FOXP2: variants seen among roughly 807,000 people sequenced by gnomAD.
FOXP2 encodes forkhead box protein P2.
A neutral mutation model predicts 115.8 loss-of-function variants in FOXP2; 12 were observed. The observed-to-expected ratio is 0.10, with a 90% CI of 0.07 to 0.17. The LOEUF (loss-of-function observed/expected upper bound fraction) is 0.17, where lower values mean the gene tolerates loss of function less well. Ranked by LOEUF, FOXP2 falls within the 10% of genes least tolerant of loss-of-function variation. FOXP2 has a pLI of 1.00. For missense variants in FOXP2, 629 were observed against 843.5 expected, an observed-to-expected ratio of 0.75 and a Z score of 3.15; for synonymous variants, 328 against 297.7, an observed-to-expected ratio of 1.10 and a Z score of -1.05.
chr7:114,256,261 C>T (rs1795610194), intron 1 of FOXP2, among the ~76,000 whole-genome samples: 1 of 152,044 alleles, frequency 6.6e-6, no homozygotes, highest in African/African-American at 2.4e-5. Context: ...TGCCACCATG[C>T]CTGGCTAATT....
chr7:114,480,675 ACATATATACATATGTGTGTG>A (rs1230855049), intron 2 of FOXP2, among the ~76,000 whole-genome samples: 6 of 150,680 alleles, frequency 4.0e-5, no homozygotes, highest in Non-Finnish European at 7.4e-5. Context: ...ACATGTGTGT[ACATATATACATATGTGTGTG>A]CATATATACA....
intron 1 of FOXP2, among the ~76,000 whole-genome samples, chr7:114,420,166 A>G (rs1205075392): frequency 6.6e-5 from 10 of 151,898 alleles, no homozygotes; most frequent in Admixed American, 6.6e-4. Flanking sequence ...GTGGCAGGAA[A>G]GGTGAAAATG....
chr7:114,629,860 TGCAGCAGCAGCAGCAACA>T lies in FOXP2; in HGVS notation c.465_482del (p.Gln186_Gln191del), dbSNP rs1563045480. The T allele has an allele frequency of 1.9e-6, 3 of 1,602,362 alleles. No homozygotes were observed. The highest frequency in any genetic ancestry group is 2.3e-5 in the East Asian group (1 of 44,342). On this transcript the variant is annotated inframe_deletion, in exon 5 of 17. Transcript: ENST00000350908. ...CAAGAGCAGTTACATCTTCAGCTTT[TGCAGCAGCAGCAGCAACA>T]GCAGCAGCAGCAACAACAGCAGCAA...
At chr7:114,288,491 G>C (rs1311090274) in intron 2 of FOXP2, among the ~76,000 whole-genome samples, 1 of 151,710 alleles carries the variant, frequency 6.6e-6, no homozygotes, top group Non-Finnish European at 1.5e-5. Context: ...TTTTTTAAAA[G>C]TTCATTTGGT....
intron 1 of FOXP2, among the ~76,000 whole-genome samples, chr7:114,132,513 T>C (rs1003691111): frequency 7.4e-5 from 11 of 149,240 alleles, no homozygotes; most frequent in Non-Finnish European, 1.3e-4. Flanking sequence ...GTAAGTACTA[T>C]AGAGAAAAAT....
At chr7:114,196,083 G>A (rs1281402148) in intron 1 of FOXP2, among the ~76,000 whole-genome samples, 1 of 152,074 alleles carries the variant, frequency 6.6e-6, no homozygotes, top group African/African-American at 2.4e-5. Context: ...CGTGATCTCG[G>A]CTCACTGTAC....
intron 2 of FOXP2, among the ~76,000 whole-genome samples, chr7:114,312,776 G>C (rs1797177448): frequency 6.6e-6 from 1 of 152,162 alleles, no homozygotes; most frequent in Non-Finnish European, 1.5e-5. Flanking sequence ...GTGAGTCTGG[G>C]AAATCCACCA....
At chr7:114,185,809 C>A (rs1048766779) in intron 1 of FOXP2, among the ~76,000 whole-genome samples, 2 of 152,004 alleles carry the variant, frequency 1.3e-5, no homozygotes, top group African/African-American at 2.4e-5. Flanking sequence ...TTACTTTATG[C>A]GTTTAAAAAT....
chr7:114,587,239 C>A (rs1046875972), intron 3 of FOXP2, among the ~76,000 whole-genome samples: 1 of 151,954 alleles, frequency 6.6e-6, no homozygotes, highest in Non-Finnish European at 1.5e-5. Context: ...CTCCCCACCC[C>A]CTAACAGGCC....
At chr7:114,227,707 G>T (rs1465847407) in intron 1 of FOXP2, among the ~76,000 whole-genome samples, 1 of 151,886 alleles carries the variant, frequency 6.6e-6, no homozygotes, top group African/African-American at 2.4e-5. Flanking sequence ...ATTTGAGGTA[G>T]TATACACCTT....
chr7:114,387,853 G>T (rs958200476), intron 2 of FOXP2, among the ~76,000 whole-genome samples: 21 of 152,110 alleles, frequency 1.4e-4, no homozygotes, highest in African/African-American at 4.8e-4. Flanking sequence ...ATAGTAGAAA[G>T]GGAGGGGTTA....
chr7:114,287,032 T>C (rs893376293), intron 1 of FOXP2, among the ~76,000 whole-genome samples: 1 of 152,190 alleles, frequency 6.6e-6, no homozygotes, highest in African/African-American at 2.4e-5. Flanking sequence ...ACATTGCTAA[T>C]TGAACACAGA....
intron 1 of FOXP2, among the ~76,000 whole-genome samples, chr7:114,095,834 A>G (rs1323271256): frequency 6.6e-6 from 1 of 152,184 alleles, no homozygotes; most frequent in Non-Finnish European, 1.5e-5. Flanking sequence ...ACAGACATAC[A>G]TTATCCAGTC....
chr7:114,530,475 G>A (rs1799089762), intron 2 of FOXP2, among the ~76,000 whole-genome samples: 1 of 151,626 alleles, frequency 6.6e-6, no homozygotes, highest in Admixed American at 6.6e-5. Flanking sequence ...TATTTTTATG[G>A]GGAGATATAT....
chr7:114,260,587 T>A (rs1168164652), intron 1 of FOXP2, among the ~76,000 whole-genome samples: 1 of 152,160 alleles, frequency 6.6e-6, no homozygotes, highest in East Asian at 1.9e-4. Context: ...TAGCCTACTA[T>A]TTTGTTAGGT....
At chr7:114,431,028 C>A (rs1412611428) in intron 2 of FOXP2, among the ~76,000 whole-genome samples, 2 of 151,728 alleles carry the variant, frequency 1.3e-5, no homozygotes, top group African/African-American at 4.8e-5. Context: ...GGATTTAAAT[C>A]TATTTACTAT....
intron 1 of FOXP2, among the ~76,000 whole-genome samples, chr7:114,260,704 A>AAC (rs1038390578): frequency 2.0e-5 from 3 of 152,064 alleles, no homozygotes; most frequent in African/African-American, 7.2e-5. Flanking sequence ...ATTAGACACA[A>AAC]ACACACACAC....
intron 2 of FOXP2, among the ~76,000 whole-genome samples, chr7:114,365,686 A>G (rs1369087009): frequency 2.6e-5 from 4 of 152,060 alleles, no homozygotes; most frequent in Non-Finnish European, 5.9e-5. Flanking sequence ...AGTTGTTTCA[A>G]TCTAATTTTT....
intron 2 of FOXP2, among the ~76,000 whole-genome samples, chr7:114,529,918 A>G (rs1799059048): frequency 6.6e-6 from 1 of 151,962 alleles, no homozygotes. Context: ...ACTTTTTATC[A>G]ACCACACTTG....
Sources: gnomAD v4.1 joint callset for allele counts (sites outside exome capture counted in the v4.1 genomes callset) on GRCh38, gnomAD v4.1.1 for gene constraint, MANE v1.5 for transcripts, NCBI Gene and HGNC (gene_info 2026-07-23, HGNC 2026-07-21) for gene names.